NF1: variants seen among roughly 807,000 people sequenced by gnomAD.
NF1 encodes the protein neurofibromin.
In NF1, 122 loss-of-function variants were observed where a neutral mutation model predicts 325.7. That is an observed-to-expected ratio of 0.37 (90% CI 0.32 to 0.44). The LOEUF (loss-of-function observed/expected upper bound fraction) is 0.44, where lower values mean the gene tolerates loss of function less well. NF1 is among the 20% of genes least tolerant of loss of function. The pLI is 1.00. For missense variants in NF1, 2,140 were observed against 3,415.4 expected, an observed-to-expected ratio of 0.63 and a Z score of 9.31; for synonymous variants, 1,091 against 1,186.0, an observed-to-expected ratio of 0.92 and a Z score of 1.65.
chr17:31,166,707 G>T (rs2065852496), intron 4 of NF1, among the ~76,000 whole-genome samples: 1 of 151,990 alleles, frequency 6.6e-6, no homozygotes, highest in Non-Finnish European at 1.5e-5. Flanking sequence ...GGGAGTGGGG[G>T]CGGCAGGGGG....
intron 12 of NF1, among the ~76,000 whole-genome samples, chr17:31,212,862 C>T (rs1282343723): frequency 1.3e-5 from 2 of 152,186 alleles, no homozygotes; most frequent in South Asian, 2.1e-4. Context: ...CAAACAATAA[C>T]GCATTGTGCT....
intron 1 of NF1, among the ~76,000 whole-genome samples, chr17:31,116,770 C>G (rs1035898223): frequency 3.3e-5 from 5 of 151,778 alleles, no homozygotes; most frequent in South Asian, 2.1e-4. Context: ...TGGTTTCACA[C>G]CATTCTCCTG....
intron 29 of NF1, among the ~76,000 whole-genome samples, chr17:31,244,812 G>A (rs755772810): frequency 1.4e-4 from 21 of 152,140 alleles, no homozygotes; most frequent in Non-Finnish European, 1.9e-4. Context: ...TTATGAAGGT[G>A]CTTTTTTGTA....
Position 31,226,575 on chromosome 17 carries a change from T to C in NF1, c.2142T>C (p.Cys714=), listed in dbSNP as rs141382637. ...CCATGTCCTGTTTCCGCCACCTCTG[T>C]GAGGAAGCAGATATCCGGTGTGGGG... is the stretch of plus-strand genomic sequence containing the variant. The part of the protein sequence containing the change: ...LVAMSCFRHL[C]EEADIRCGVD... Residue 714 remains cysteine, a synonymous_variant, in exon 18 of 58, where the codon TGT becomes TGC. Coordinates refer to ENST00000358273, the MANE Select transcript of NF1 (RefSeq NM_001042492.3). 6.2e-7 allele frequency: 1 copy of C among 1,613,866 alleles called. No homozygotes were observed. Among genetic ancestry groups the C allele is most frequent in the African/African-American group, 1.3e-5 (1 of 75,016 alleles).
chr17:31,200,632 G>C (rs2066511572), intron 9 of NF1, 37 bp downstream of exon 9: 1 of 1,602,444 alleles, frequency 6.2e-7, no homozygotes, highest in Non-Finnish European at 8.5e-7. Context: ...CAAACTTTAA[G>C]AAAATTAAAT....
chr17:31,334,274 G>C (rs980885322), intron 39 of NF1, among the ~76,000 whole-genome samples: 3 of 151,624 alleles, frequency 2.0e-5, no homozygotes, highest in African/African-American at 4.9e-5. Flanking sequence ...TCCAGCCTGG[G>C]CGACAGAGGA....
Position 31,340,847 on chromosome 17 carries a change from C to CA in NF1, c.7062+215dup, listed in dbSNP as rs1051607259. On this transcript the variant is annotated intron_variant, in intron 47 of 57. Transcript: ENST00000358273. ...ATGCATATTTTTTACATAAAAATAG[C>CA]AAAAAAAAAAAAACAAAAAAAAAAC... 0.13 allele frequency among the ~76,000 whole-genome samples: 8,259 copies of CA among 62,256 alleles called. 332 individuals are homozygous for CA. The highest frequency in any genetic ancestry group is 0.23 in the African/African-American group (4,521 of 19,462). The allele number at this position is 62,256 out of a possible 152,430, so 40.8% of individuals were successfully genotyped here.
chr17:31,192,688 G>GT (rs995374175), intron 8 of NF1, among the ~76,000 whole-genome samples: 2 of 152,196 alleles, frequency 1.3e-5, no homozygotes, highest in African/African-American at 4.8e-5. Context: ...GAATGTGGAT[G>GT]TTTTTTCCCC....
chr17:31,264,164 C>A (rs1223646230), intron 35 of NF1, among the ~76,000 whole-genome samples: 1 of 151,996 alleles, frequency 6.6e-6, no homozygotes, highest in Admixed American at 6.6e-5. Context: ...TTTGGGAGGC[C>A]GAGGTGGGTA....
At chr17:31,227,709 C>T in intron 20 of NF1, 103 bp downstream of exon 20, 1 of 987,286 alleles carries the variant, frequency 1.0e-6, no homozygotes, top group Non-Finnish European at 1.6e-6. Flanking sequence ...AAACATATAG[C>T]TGTGTGAAGA....
chr17:31,153,415 C>G (rs1421358879), intron 1 of NF1, among the ~76,000 whole-genome samples: 1 of 152,194 alleles, frequency 6.6e-6, no homozygotes, highest in Non-Finnish European at 1.5e-5. Flanking sequence ...GTGCTCCATT[C>G]TCTTGAGACT....
intron 57 of NF1, 118 bp downstream of exon 57, chr17:31,360,821 A>C: frequency 1.2e-6 from 1 of 858,906 alleles, no homozygotes; most frequent in South Asian, 1.4e-5. Flanking sequence ...GATTCACCTT[A>C]CATTTCTTCT....
chr17:31,373,936 T>C lies in NF1; in HGVS notation c.8378-77T>C, dbSNP rs528966185. On this transcript the variant is annotated intron_variant, in intron 57 of 57. Transcript: ENST00000358273. ...GTTTCCTAGAATGTGTCCCCGTTGT[T>C]AAGCGACACATGACTGCAATGAAAT... 2.3e-4 allele frequency: 363 copies of C among 1,569,588 alleles called. 1 individual carries two copies. The African/African-American group carries it at 4.3e-3, about 19-fold the overall frequency.
At chr17:31,218,862 G>A (rs573417505) in intron 13 of NF1, 143 bp from the exon 14 acceptor site, 81 of 822,756 alleles carry the variant, frequency 9.8e-5, no homozygotes, top group African/African-American at 9.7e-4. Context: ...GTGAACCACC[G>A]CGTCCAGCCT....
At chr17:31,339,125 A>G (rs1362337336) in intron 46 of NF1, among the ~76,000 whole-genome samples, 1 of 152,164 alleles carries the variant, frequency 6.6e-6, no homozygotes, top group East Asian at 1.9e-4. Flanking sequence ...GGCGCTAGAG[A>G]TAGAGTACTA....
At chr17:31,181,140 C>A (rs1465645904) in intron 5 of NF1, among the ~76,000 whole-genome samples, 1 of 152,044 alleles carries the variant, frequency 6.6e-6, no homozygotes, top group African/African-American at 2.4e-5. Flanking sequence ...ATAGGAGGAA[C>A]CAATATCCTG....
chr17:31,325,855 T>C lies in NF1; in HGVS notation c.4871T>C (p.Ile1624Thr), dbSNP rs2151537596. 6.2e-7 allele frequency: 1 copy of C among 1,614,236 alleles called. No homozygotes were observed. Among genetic ancestry groups the C allele is most frequent in the African/African-American group, 1.3e-5 (1 of 75,066 alleles). The stretch of plus-strand genomic sequence containing the variant: ...GGTCAAATCAATGGTGATTTGCTGA[T>C]ATACCATGTCTTACTGACTTTAAAG... ...KTGQINGDLL[I>T]YHVLLTLKPY... Residue 1624 changes from isoleucine to threonine, a missense_variant, in exon 37 of 58, where the codon ATA (isoleucine) becomes ACA (threonine). Coordinates refer to ENST00000358273, the MANE Select transcript of NF1 (RefSeq NM_001042492.3).
chr17:31,201,337 C>G (rs2143883732), intron 10 of NF1, 74 bp from the exon 11 acceptor site: 2 of 1,472,122 alleles, frequency 1.4e-6, no homozygotes, highest in Non-Finnish European at 1.9e-6. Flanking sequence ...ATTTGCTGTT[C>G]TTTTTGGCTT....
intron 29 of NF1, among the ~76,000 whole-genome samples, chr17:31,238,559 C>A (rs1471237882): frequency 6.6e-6 from 1 of 151,906 alleles, no homozygotes; most frequent in East Asian, 1.9e-4. Context: ...ATGGTGAAAC[C>A]CTGTCTTTAC....
Sources: allele counts gnomAD v4.1 joint callset (sites outside exome capture counted in the v4.1 genomes callset), GRCh38; gene constraint gnomAD v4.1.1; transcripts MANE v1.5; gene names NCBI Gene and HGNC (gene_info 2026-07-23, HGNC 2026-07-21).